The following CCDC178 variants were observed in gnomAD, a reference collection of about 807,000 sequenced individuals.
The protein encoded by CCDC178 is coiled-coil domain-containing protein 178.
A neutral mutation model predicts 117.4 loss-of-function variants in CCDC178; 126 were observed. The ratio of observed to expected loss-of-function variants is 1.07; its 90% CI spans 0.93 to 1.24. The LOEUF (loss-of-function observed/expected upper bound fraction) is 1.24, where lower values mean the gene tolerates loss of function less well. Among genes scored for constraint, CCDC178 ranks in the 50% most tolerant of loss-of-function variants. The probability of loss-of-function intolerance (pLI) is 0.00; values close to 1 mark genes in which losing one functional copy is unlikely to be tolerated. For synonymous variants in CCDC178, 283 were observed against 313.4 expected, an observed-to-expected ratio of 0.90 and a Z score of 1.02; for missense variants, 1,030 against 986.9, an observed-to-expected ratio of 1.04 and a Z score of -0.59.
At chr18:33,123,909 T>C (rs2057969876) in intron 20 of CCDC178, among the ~76,000 whole-genome samples, 1 of 152,196 alleles carries the variant, frequency 6.6e-6, no homozygotes, top group Non-Finnish European at 1.5e-5. Flanking sequence ...AATGTCGTAT[T>C]CAAACTATTG....
chr18:33,055,370 T>C (rs1469931052), intron 21 of CCDC178, among the ~76,000 whole-genome samples: 1 of 152,160 alleles, frequency 6.6e-6, no homozygotes, highest in Non-Finnish European at 1.5e-5. Context: ...GGTCTCTCAC[T>C]CTGTCACCCA....
In CCDC178 at chr18:33,092,889, C is replaced by G; in HGVS notation, c.2260G>C (p.Glu754Gln). 6.4e-7 allele frequency: 1 copy of G among 1,566,274 alleles called. No homozygotes were observed. The highest frequency in any genetic ancestry group is 8.6e-7 in the Non-Finnish European group (1 of 1,158,220). ...DTQKIIADSL[E>Q]ENLRLAQEYQ... ...TCTTGAGCTAAACGCAGATTTTCTT[C>G]AAGTGAATCAGCTATTATTTTCTAG... is the stretch of plus-strand genomic sequence containing the variant. The change falls in exon 21 of 23, where the codon GAA becomes CAA. Residue 754 changes from glutamate to glutamine, a missense_variant. Glu to Gln is a conservative substitution (Grantham distance 29, BLOSUM62 2). Transcript: ENST00000383096.
At chr18:33,142,367 T>A (rs1346361527) in intron 20 of CCDC178, among the ~76,000 whole-genome samples, 2 of 152,214 alleles carry the variant, frequency 1.3e-5, no homozygotes, top group African/African-American at 4.8e-5. Context: ...AAAGTGCTAT[T>A]ACTTCTTTTT....
chr18:33,356,154 T>TATAG (rs1388369650), intron 7 of CCDC178, among the ~76,000 whole-genome samples, 170 bp downstream of exon 7: 2 of 152,188 alleles, frequency 1.3e-5, no homozygotes, highest in Non-Finnish European at 2.9e-5. Context: ...AGTTTGCCAT[T>TATAG]ATCAGTGATG....
At chr18:33,094,455 T>A (rs999152541) in intron 20 of CCDC178, among the ~76,000 whole-genome samples, 2 of 151,934 alleles carry the variant, frequency 1.3e-5, no homozygotes, top group African/African-American at 4.8e-5. Flanking sequence ...TAGAAAGGAA[T>A]AGGCATCATT....
intron 21 of CCDC178, among the ~76,000 whole-genome samples, chr18:33,005,374 G>T (rs1230795296): frequency 6.6e-6 from 1 of 152,014 alleles, no homozygotes; most frequent in Non-Finnish European, 1.5e-5. Flanking sequence ...TACAAACTTT[G>T]CATGTTCTCA....
At chr18:33,360,589 A>C (rs1568174854) in intron 6 of CCDC178, among the ~76,000 whole-genome samples, 1 of 151,604 alleles carries the variant, frequency 6.6e-6, no homozygotes, top group Non-Finnish European at 1.5e-5. Context: ...TTTGCAGATG[A>C]CATGATCCTA....
In CCDC178 at chr18:33,310,644, A is replaced by G. The variant is rs144520756; in HGVS notation, c.1022+12847T>C. Among the ~76,000 whole-genome samples, 290 of 152,234 alleles carry G rather than the reference A, an allele frequency of 1.9e-3. 3 individuals are homozygous for G. The highest frequency in any genetic ancestry group is 6.8e-3 in the African/African-American group (282 of 41,560). ...GAGGTTGCAGTGAGCTGAGATTGCA[A>G]CACTGAATTCCAGTCTGGGTGACAG... On this transcript the variant is annotated intron_variant, in intron 11 of 22. Coordinates refer to ENST00000383096, the MANE Select transcript of CCDC178 (RefSeq NM_001105528.4).
chr18:33,356,191 T>C (rs2063054208), intron 7 of CCDC178, 133 bp downstream of exon 7: 5 of 878,422 alleles, frequency 5.7e-6, no homozygotes, highest in Non-Finnish European at 6.5e-6. Flanking sequence ...TTAAAAAATA[T>C]ATTGCAATAT....
chr18:33,038,180 G>T (rs2056480377), intron 21 of CCDC178, among the ~76,000 whole-genome samples: 1 of 151,864 alleles, frequency 6.6e-6, no homozygotes. Context: ...TGAATTTTAT[G>T]ACTAAAATGC....
chr18:33,182,729 A>G (rs2058745519), intron 20 of CCDC178, among the ~76,000 whole-genome samples: 1 of 152,022 alleles, frequency 6.6e-6, no homozygotes. Context: ...AGATATATAA[A>G]AAAGTGTAAC....
chr18:32,939,195 G>C (rs1044871767), intron 22 of CCDC178, among the ~76,000 whole-genome samples: 1 of 151,968 alleles, frequency 6.6e-6, no homozygotes, highest in Admixed American at 6.6e-5. Context: ...TGAAAACTAA[G>C]TGATTAATTC....
chr18:33,179,114 A>ATATATATATATATATATATATATAAAC (rs1568037089), intron 20 of CCDC178, among the ~76,000 whole-genome samples: 1 of 88,932 alleles, frequency 1.1e-5, no homozygotes, highest in Non-Finnish European at 2.0e-5. Context: ...TATATAAACT[A>ATATATATATATATATATATATATAAAC]TATATATATA....
At chr18:33,077,278 T>C (rs1225350620) in intron 21 of CCDC178, among the ~76,000 whole-genome samples, 1 of 152,100 alleles carries the variant, frequency 6.6e-6, no homozygotes, top group African/African-American at 2.4e-5. Flanking sequence ...CACTTACAAG[T>C]AGAGTAGCCT....
At chr18:33,417,530 C>G (rs369832152) in intron 2 of CCDC178, among the ~76,000 whole-genome samples, 2 of 63,274 alleles carry the variant, frequency 3.2e-5, no homozygotes, top group African/African-American at 1.1e-4. Context: ...GTTCACAGAG[C>G]TGTATACACA....
chr18:32,976,012 T>C (rs985001141), intron 21 of CCDC178, among the ~76,000 whole-genome samples: 3 of 152,128 alleles, frequency 2.0e-5, no homozygotes, highest in African/African-American at 7.2e-5. Flanking sequence ...ATAACACATA[T>C]GTATTTGTGT....
chr18:33,339,713 A>C (rs1444016514), intron 9 of CCDC178, among the ~76,000 whole-genome samples: 2 of 151,846 alleles, frequency 1.3e-5, no homozygotes, highest in Non-Finnish European at 2.9e-5. Flanking sequence ...GATAATGAAT[A>C]AGTTTCATGA....
intron 22 of CCDC178, 38 bp from the exon 23 acceptor site, chr18:32,938,129 C>T: frequency 1.5e-6 from 2 of 1,361,970 alleles, no homozygotes; most frequent in African/African-American, 2.9e-5. Context: ...TCAATAAGTA[C>T]TCATTAATTA....
At chr18:33,073,072 T>A (rs1251188325) in intron 21 of CCDC178, among the ~76,000 whole-genome samples, 1 of 152,082 alleles carries the variant, frequency 6.6e-6, no homozygotes, top group Non-Finnish European at 1.5e-5. Flanking sequence ...TTCTCAGTGC[T>A]CACTTCTTGT....
Sources: allele counts gnomAD v4.1 joint callset (sites outside exome capture counted in the v4.1 genomes callset), GRCh38; gene constraint gnomAD v4.1.1; transcripts MANE v1.5; gene names NCBI Gene and HGNC (gene_info 2026-07-23, HGNC 2026-07-21).